Variants in SLC2A5 observed in about 807,000 individuals in gnomAD.
The protein encoded by SLC2A5 is solute carrier family 2, facilitated glucose transporter member 5.
Under a neutral mutation model 50.3 loss-of-function variants are expected in SLC2A5, and 56 were observed. The observed-to-expected ratio is 1.11, with a 90% CI of 0.90 to 1.39. SLC2A5 has a LOEUF of 1.39. Ranked by LOEUF, SLC2A5 falls within the 40% of genes most tolerant of loss-of-function variation. The probability of loss-of-function intolerance (pLI) is 0.00; values close to 1 mark genes in which losing one functional copy is unlikely to be tolerated. For synonymous variants in SLC2A5, 269 were observed against 281.9 expected (o/e 0.95, Z 0.46); for missense variants, 566 against 650.1 (o/e 0.87, Z 1.41).
rs1190708729 is a variant in SLC2A5, at chr1:9,035,497, A to G, written c.*2089T>C. On this transcript the variant is annotated 3_prime_UTR_variant, in exon 12 of 12. Transcript: ENST00000377424. ...TTGTTGCTGGTGGAATCTCCATTACATACCCACAAAAAGTGCTCCCAAGTC... is the reference window on the plus strand; with the variant it reads ...TTGTTGCTGGTGGAATCTCCATTACGTACCCACAAAAAGTGCTCCCAAGTC... 6.6e-6 allele frequency: 1 copy of G among 152,256 alleles called. No homozygotes were observed. The highest frequency in any genetic ancestry group is 2.4e-5 in the African/African-American group (1 of 41,452). 9.4% of individuals were successfully genotyped at this position (152,256 alleles called of 1,614,324 possible).
chr1:9,039,469 T>C, intron 8 of SLC2A5, 83 bp downstream of exon 8: 1 of 1,009,812 alleles, frequency 9.9e-7, no homozygotes, highest in African/African-American at 1.7e-5. Flanking sequence ...GGCCACGGGC[T>C]GCCCTTTTGG....
chr1:9,072,211 G>A (rs1053095832), upstream of SLC2A5: 3 of 152,230 alleles, frequency 2.0e-5, no homozygotes, highest in African/African-American at 7.2e-5. Flanking sequence ...AGGGCGGGGT[G>A]GGAGACTGTG....
intron 2 of SLC2A5, among the ~76,000 whole-genome samples, chr1:9,077,628 A>C (rs2124473598): frequency 6.7e-6 from 1 of 150,176 alleles, no homozygotes; most frequent in Non-Finnish European, 1.5e-5. Context: ...GGTGGCAGGC[A>C]CCTGTAATTC....
intron 3 of SLC2A5, among the ~76,000 whole-genome samples, chr1:9,048,202 T>C (rs945127871): frequency 7.2e-5 from 11 of 152,314 alleles, no homozygotes; most frequent in African/African-American, 2.2e-4. Context: ...TTCAATGTAT[T>C]TCACCATATT....
intron 1 of SLC2A5, among the ~76,000 whole-genome samples, chr1:9,058,723 C>A (rs917137959): frequency 1.3e-4 from 20 of 152,200 alleles, no homozygotes; most frequent in Admixed American, 5.9e-4. Flanking sequence ...AGCAAATGTG[C>A]TCTTGCACCA....
Position 9,040,449 on chromosome 1 carries a change from T to A in SLC2A5, c.572-260A>T, listed in dbSNP as rs769069479. ...GTAATACCATGTGCTGGTGAGAACG[T>A]CCCCGTGTCCTTCAGAGGACAGTCT... On this transcript the variant is annotated intron_variant, in intron 5 of 11. Coordinates refer to ENST00000377424, the MANE Select transcript of SLC2A5 (RefSeq NM_003039.3). This position sits in a 1 kb window ranked among gnomAD's most constrained non-coding sequence, Gnocchi z 4.3. The A allele has an allele frequency of 2.1e-5, 10 of 471,806 alleles. No individual in the cohort carries two copies. Among genetic ancestry groups the A allele is most frequent in the South Asian group, 4.9e-5 (2 of 40,966 alleles). 29.2% of individuals were successfully genotyped at this position (471,806 alleles called of 1,614,324 possible).
chr1:9,067,542 C>T (rs113710892), intron 1 of SLC2A5, among the ~76,000 whole-genome samples: 1,642 of 152,296 alleles, frequency 0.011, 29 homozygotes, highest in African/African-American at 0.037. Context: ...CCCTGGACCC[C>T]AAACACCTAA....
intron 1 of SLC2A5, among the ~76,000 whole-genome samples, chr1:9,067,327 G>C (rs1215021777): frequency 6.6e-6 from 1 of 152,236 alleles, no homozygotes; most frequent in African/African-American, 2.4e-5. Flanking sequence ...CCCAGAGGAG[G>C]CTTCCTTCCC....
At chr1:9,087,573 CTT>C (rs1250201742) in intron 1 of SLC2A5, among the ~76,000 whole-genome samples, 1 of 152,232 alleles carries the variant, frequency 6.6e-6, no homozygotes, top group East Asian at 1.9e-4. Context: ...CAGAGGCTCT[CTT>C]GCAACCCAAG....
chr1:9,074,831 C>T (rs1277348930), intron 2 of SLC2A5, among the ~76,000 whole-genome samples: 1 of 151,974 alleles, frequency 6.6e-6, no homozygotes, highest in Non-Finnish European at 1.5e-5. Flanking sequence ...CGAGACCAGC[C>T]TGGGCAACAC....
intron 1 of SLC2A5, among the ~76,000 whole-genome samples, chr1:9,067,909 G>A (rs1311588028): frequency 9.2e-5 from 14 of 152,150 alleles, no homozygotes; most frequent in Admixed American, 9.2e-4. Flanking sequence ...ATTTACGATG[G>A]CCGGGCGCGG....
intron 2 of SLC2A5, among the ~76,000 whole-genome samples, chr1:9,080,551 A>T (rs1169470578): frequency 6.6e-6 from 1 of 152,118 alleles, no homozygotes; most frequent in Admixed American, 6.6e-5. Context: ...GTGAGCTCTC[A>T]TTGTGGTTTT....
rs766785179 is a variant in SLC2A5 at position 9,039,579 on chromosome 1, G to C, written c.969C>G (p.Ala323=). ...CGCAGAAGGTCATGACCACGTTCACGGCCCCGGTGCCGGCCGTCACGTACT... is the reference window on the plus strand; with the variant it reads ...CGCAGAAGGTCATGACCACGTTCACCGCCCCGGTGCCGGCCGTCACGTACT... ...HVQYVTAGTG[A]VNVVMTFCAV... The change falls in exon 8 of 12, where the codon GCC becomes GCG. Residue 323 remains alanine (A), a synonymous_variant. Transcript: ENST00000377424. 6.3e-7 allele frequency: 1 copy of C among 1,575,966 alleles called. No individual in the cohort carries two copies. The highest frequency in any genetic ancestry group is 8.6e-7 in the Non-Finnish European group (1 of 1,161,708).
Position 9,067,522 on chromosome 1 carries a change from C to T in SLC2A5, c.33+1982G>A, listed in dbSNP as rs74382116. On this transcript the variant is annotated intron_variant, in intron 1 of 11. Coordinates refer to ENST00000377424, the MANE Select transcript of SLC2A5 (RefSeq NM_003039.3). The stretch of plus-strand genomic sequence containing the variant: ...GGCAGTTGTGCCTTTCTCTGGACAG[C>T]GGAGGACCTCCCTGGACCCCAAACA... Among the ~76,000 whole-genome samples the T allele has an allele frequency of 3.0e-3, 462 of 152,308 alleles. 11 individuals carry two copies. The East Asian group carries it at 0.037, about 12-fold the overall frequency.
chr1:9,035,911 A>G lies in SLC2A5; in HGVS notation c.*1675T>C, dbSNP rs1456928654. The G allele has an allele frequency of 6.6e-6, 1 of 152,234 alleles. No homozygotes were observed. Among genetic ancestry groups the G allele is most frequent in the Non-Finnish European group, 1.5e-5 (1 of 68,056 alleles). 9.4% of individuals were successfully genotyped at this position (152,234 alleles called of 1,614,324 possible). On this transcript the variant is annotated 3_prime_UTR_variant, in exon 12 of 12. Transcript: ENST00000377424. ...AGGTTTTACCCCTTACAGAACCATCAGATCTCATGAGGCTGATTCACTACC... is the reference window on the plus strand; with the variant it reads ...AGGTTTTACCCCTTACAGAACCATCGGATCTCATGAGGCTGATTCACTACC...
chr1:9,085,878 T>C (rs1642396268), intron 1 of SLC2A5, among the ~76,000 whole-genome samples: 1 of 152,010 alleles, frequency 6.6e-6, no homozygotes, highest in Non-Finnish European at 1.5e-5. Context: ...ATCCTGGGAG[T>C]TCTGCTGTCT....
chr1:9,067,382 G>A (rs1418855319), intron 1 of SLC2A5, among the ~76,000 whole-genome samples: 3 of 152,266 alleles, frequency 2.0e-5, no homozygotes, highest in Non-Finnish European at 2.9e-5. Context: ...CATGCCTCTC[G>A]CATGTGGCCA....
At chr1:9,090,394 C>T (rs1275298446), upstream of SLC2A5, among the ~76,000 whole-genome samples, 1 of 152,180 alleles carries the variant, frequency 6.6e-6, no homozygotes, top group African/African-American at 2.4e-5. Context: ...AATATCCCCT[C>T]AATCCTGAAT....
At chr1:9,068,281 T>TA (rs1382048123) in intron 1 of SLC2A5, among the ~76,000 whole-genome samples, 1 of 151,226 alleles carries the variant, frequency 6.6e-6, no homozygotes, top group Non-Finnish European at 1.5e-5. Context: ...TTACATGCAT[T>TA]ATCTCATTTA....
Sources: gnomAD v4.1 joint callset for allele counts (sites outside exome capture counted in the v4.1 genomes callset) on GRCh38, gnomAD v4.1.1 for gene constraint, Gnocchi (gnomAD v3.1) non-coding constraint, MANE v1.5 for transcripts, NCBI Gene and HGNC (gene_info 2026-07-23, HGNC 2026-07-21) for gene names.